SCARB1: variants seen among roughly 807,000 people sequenced by gnomAD.
The protein encoded by SCARB1 is scavenger receptor class B member 1, also known as CD36 and LIMPII analogous 1.
In SCARB1, 30 loss-of-function variants were observed where a neutral mutation model predicts 57.2. The observed-to-expected ratio is 0.52, with a 90% confidence interval of 0.39 to 0.71. SCARB1 has a LOEUF of 0.71. SCARB1 is among the 30% of genes least tolerant of loss of function. SCARB1 has a pLI of 0.00. For missense variants in SCARB1, 543 were observed against 671.2 expected (o/e 0.81, Z 2.11); for synonymous variants, 249 against 268.3 (o/e 0.93, Z 0.70).
intron 1 of SCARB1, among the ~76,000 whole-genome samples, chr12:124,833,724 T>G (rs1436924690): frequency 6.6e-6 from 1 of 152,134 alleles, no homozygotes; most frequent in African/African-American, 2.4e-5. Context: ...CAGCCCTATC[T>G]TGGCCAGAAG....
intron 1 of SCARB1, among the ~76,000 whole-genome samples, chr12:124,854,881 TG>T (rs760886494): frequency 1.5e-4 from 23 of 150,922 alleles, no homozygotes; most frequent in Non-Finnish European, 2.2e-4. Context: ...CACTCGGGGG[TG>T]GGGTTCAGGG....
Position 124,778,336 on chromosome 12 carries a change from A to T in SCARB1, c.*251T>A. ...GAAGGTTCCAGAACAGTGCTTGTTG[A>T]CGAGCCTCTCCCTACAAGTCCCTTC... On this transcript the variant is annotated 3_prime_UTR_variant, in exon 13 of 13. Coordinates refer to ENST00000261693, the MANE Select transcript of SCARB1 (RefSeq NM_005505.5). 1 of 938,844 alleles carries T rather than the reference A, an allele frequency of 1.1e-6. No individual in the cohort carries two copies. The highest frequency in any genetic ancestry group is 1.4e-6 in the Non-Finnish European group (1 of 717,902). 58.2% of individuals were successfully genotyped at this position (938,844 alleles called of 1,614,324 possible).
chr12:124,849,082 G>C (rs1433040137), intron 1 of SCARB1, among the ~76,000 whole-genome samples: 1 of 152,190 alleles, frequency 6.6e-6, no homozygotes, highest in Admixed American at 6.5e-5. Flanking sequence ...GCACAGAGAG[G>C]GTAAGTCACT....
chr12:124,848,974 G>C (rs1347741164), intron 1 of SCARB1, among the ~76,000 whole-genome samples: 1 of 152,232 alleles, frequency 6.6e-6, no homozygotes, highest in Non-Finnish European at 1.5e-5. Flanking sequence ...CACTTGCCGA[G>C]CTGCTATTTG....
intron 12 of SCARB1, among the ~76,000 whole-genome samples, chr12:124,779,380 C>T (rs1167539506): frequency 1.3e-5 from 2 of 152,182 alleles, no homozygotes; most frequent in Non-Finnish European, 2.9e-5. Context: ...CAAAAAGTGA[C>T]CTCATGCTCA....
chr12:124,827,290 G>T (rs1951198463), intron 1 of SCARB1, among the ~76,000 whole-genome samples: 1 of 152,222 alleles, frequency 6.6e-6, no homozygotes, highest in African/African-American at 2.4e-5. Context: ...AATAGATCGA[G>T]TAAGTGTGAG....
intron 5 of SCARB1, among the ~76,000 whole-genome samples, chr12:124,811,086 A>G (rs1304593276): frequency 6.6e-6 from 1 of 152,232 alleles, no homozygotes; most frequent in Non-Finnish European, 1.5e-5. Context: ...GTATGATTTC[A>G]TGATGTTCAA....
chr12:124,814,096 G>C lies in SCARB1; in HGVS notation c.630+106C>G, dbSNP rs1950609686. 1.4e-5 allele frequency: 15 copies of C among 1,061,942 alleles called. No individual in the cohort carries two copies. The highest frequency in any genetic ancestry group is 2.2e-5 in the Non-Finnish European group (15 of 679,002). 65.8% of individuals were successfully genotyped at this position (1,061,942 alleles called of 1,614,324 possible). A position where few individuals can be genotyped will look rare whatever the true frequency, so the allele number is the denominator to read the frequency against. ...AGTCACTTACAACCCACAGCCACTA[G>C]ATCCCCAGCCAGCTACAAAGCAAGC... On this transcript the variant is annotated intron_variant, in intron 4 of 12. Transcript: ENST00000261693. This position sits in a 1 kb window ranked among gnomAD's most constrained non-coding sequence, Gnocchi z 4.7.
At chr12:124,827,841 C>G (rs1176588570) in intron 1 of SCARB1, among the ~76,000 whole-genome samples, 1 of 152,114 alleles carries the variant, frequency 6.6e-6, no homozygotes, top group South Asian at 2.1e-4. Flanking sequence ...TTGTGGCCTT[C>G]GAGCACACGG....
At chr12:124,793,437 T>C (rs1949802631) in intron 9 of SCARB1, among the ~76,000 whole-genome samples, 1 of 151,294 alleles carries the variant, frequency 6.6e-6, no homozygotes, top group African/African-American at 2.4e-5. Flanking sequence ...CTCACGCCTG[T>C]AATCCCAGCA....
At chr12:124,824,175 C>T (rs1359597993) in intron 1 of SCARB1, among the ~76,000 whole-genome samples, 2 of 108,454 alleles carry the variant, frequency 1.8e-5, no homozygotes, top group African/African-American at 6.9e-5. Flanking sequence ...GATTTCATCT[C>T]AAAAAAAAAA....
rs1370221825 is a variant in SCARB1, at chr12:124,796,833, T to A, written c.1129-1565A>T. 1.3e-5 allele frequency among the ~76,000 whole-genome samples: 2 copies of A among 152,142 alleles called. No homozygotes were observed. The highest frequency in any genetic ancestry group is 4.8e-5 in the African/African-American group (2 of 41,422). ...GGTGGGATGGGCATGAGATCACCCG[T>A]GAGTAGAACAGAGTTCACGCCACAG... On this transcript the variant is annotated intron_variant, in intron 8 of 12. Coordinates refer to ENST00000261693, the MANE Select transcript of SCARB1 (RefSeq NM_005505.5). This position sits in a 1 kb window ranked among gnomAD's most constrained non-coding sequence, Gnocchi z 4.0.
At chr12:124,863,450 T>C in intron 1 of SCARB1, 145 bp downstream of exon 1, 3 of 764,472 alleles carry the variant, frequency 3.9e-6, no homozygotes, top group Non-Finnish European at 4.0e-6. Context: ...CCGAAGCGCC[T>C]GGCCTCCCTC....
chr12:124,777,896 G>A lies in SCARB1; in HGVS notation c.*691C>T, dbSNP rs1872653035. The A allele has an allele frequency of 6.6e-6, 1 of 152,344 alleles. No individual in the cohort carries two copies. Among genetic ancestry groups the A allele is most frequent in the African/African-American group, 2.4e-5 (1 of 41,482 alleles). 9.4% of individuals were successfully genotyped at this position (152,344 alleles called of 1,614,324 possible). A position where few individuals can be genotyped will look rare whatever the true frequency, so the allele number is the denominator to read the frequency against. On this transcript the variant is annotated 3_prime_UTR_variant, in exon 13 of 13. Coordinates refer to ENST00000261693, the MANE Select transcript of SCARB1 (RefSeq NM_005505.5). ...AGTCCATAGGATGATGTCAGTTTAG[G>A]CTGGAGGAAAAGGGCGCCAGACAAC... is the stretch of plus-strand genomic sequence containing the variant.
rs956924789 is a variant in SCARB1, at chr12:124,800,705, G to C, written c.1010-463C>G. Among the ~76,000 whole-genome samples, 1 of 152,186 alleles carries C rather than the reference G, an allele frequency of 6.6e-6. No individual in the cohort carries two copies. Among genetic ancestry groups the C allele is most frequent in the East Asian group, 1.9e-4 (1 of 5,192 alleles). On this transcript the variant is annotated intron_variant, in intron 7 of 12. Coordinates refer to ENST00000261693, the MANE Select transcript of SCARB1 (RefSeq NM_005505.5). This position sits in a 1 kb window ranked among gnomAD's most constrained non-coding sequence, Gnocchi z 4.8. ...GCCCACACTGTCCCCTGCAGGACAC[G>C]CAGCAATGATCGGAGCTCAGGTGTG...
rs760953431 is a variant in SCARB1, at chr12:124,810,182, C to A, written c.834G>T (p.Glu278Asp). 1.9e-6 allele frequency: 3 copies of A among 1,612,698 alleles called. No individual in the cohort carries two copies. The highest frequency in any genetic ancestry group is 2.5e-6 in the Non-Finnish European group (3 of 1,178,774). Residue 278 changes from glutamate (E) to aspartate (D), a missense_variant, in exon 6 of 13, where the codon GAG becomes GAT. Transcript: ENST00000261693. This position sits in a 1 kb window ranked among gnomAD's most constrained non-coding sequence, Gnocchi z 4.0. ...CGAGTCCCAGTGATTACCGGCAGGC[C>A]TCCGGGCTGTAGAACTCCAGCGAGG... ...PESSLEFYSPEACRSMKLMYK... is the reference protein window; with the variant it reads ...PESSLEFYSPDACRSMKLMYK...
At position 124,789,095 on chromosome 12, in the gene SCARB1, C is replaced by T. The variant is rs989410461; in HGVS notation, c.1203-1638G>A. On this transcript the variant is annotated intron_variant, in intron 9 of 12. Coordinates refer to ENST00000261693, the MANE Select transcript of SCARB1 (RefSeq NM_005505.5). This position sits in a 1 kb window ranked among gnomAD's most constrained non-coding sequence, Gnocchi z 4.4. ...GTCAAGTTAAAAAGATAATAAAATC[C>T]AAAGGGAGAATAAAAGTAAACTTGA... 2.5e-4 allele frequency among the ~76,000 whole-genome samples: 38 copies of T among 152,150 alleles called. 1 individual carries two copies. Among genetic ancestry groups the T allele is most frequent in the African/African-American group, 8.9e-4 (37 of 41,500 alleles).
chr12:124,809,420 T>TA lies in SCARB1; in HGVS notation c.842+753dup, dbSNP rs779995728. Among the ~76,000 whole-genome samples, 7 of 152,244 alleles carry TA rather than the reference T, an allele frequency of 4.6e-5. No homozygotes were observed. In the South Asian group the frequency reaches 1.5e-3, roughly 32 times the overall value. On this transcript the variant is annotated intron_variant, in intron 6 of 12. Transcript: ENST00000261693. ...GGCAACATAGCGAGATCCCCATCTC[T>TA]AAAAAATTAAATAAATAAATAAGTA...
At chr12:124,828,259 C>G (rs951375870) in intron 1 of SCARB1, among the ~76,000 whole-genome samples, 1 of 152,078 alleles carries the variant, frequency 6.6e-6, no homozygotes, top group Non-Finnish European at 1.5e-5. Context: ...CCACAGCACT[C>G]TCCCCTGCAC....
Sources: allele counts gnomAD v4.1 joint callset (sites outside exome capture counted in the v4.1 genomes callset), GRCh38; gene constraint gnomAD v4.1.1; non-coding constraint Gnocchi (gnomAD v3.1); transcripts MANE v1.5; gene names NCBI Gene and HGNC (gene_info 2026-07-23, HGNC 2026-07-21).